RXRA: variants seen among roughly 807,000 people sequenced by gnomAD.
The protein encoded by RXRA is retinoid X receptor alpha.
RXRA carries 5 observed loss-of-function variants against 44.5 expected under a neutral mutation model. The ratio of observed to expected loss-of-function variants is 0.11; its 90% CI spans 0.06 to 0.24. The LOEUF is 0.24. Among genes scored for constraint, RXRA ranks in the 10% least tolerant of loss-of-function variants. The pLI is 1.00. For synonymous variants in RXRA, 291 were observed against 271.4 expected, an observed-to-expected ratio of 1.07 and a Z score of -0.71; for missense variants, 412 against 646.5, an observed-to-expected ratio of 0.64 and a Z score of 3.93.
intron 1 of RXRA, among the ~76,000 whole-genome samples, chr9:134,362,490 C>G (rs903877823): frequency 1.3e-5 from 2 of 152,234 alleles, no homozygotes; most frequent in Non-Finnish European, 1.5e-5. Context: ...CCCGCCAGAC[C>G]GTGAGCTTCA....
In RXRA at chr9:134,434,093, T is replaced by C; in HGVS notation, c.1136-9T>C. On this transcript the variant is annotated splice_polypyrimidine_tract_variant and intron_variant, in intron 8 of 9. Coordinates refer to ENST00000481739, the MANE Select transcript of RXRA (RefSeq NM_002957.6). ...CTGAGGGTTCTGACCTGTGGCTTCT[T>C]CCTTTCAGACTCCAAGGGGCTCTCG... 6.2e-7 allele frequency: 1 copy of C among 1,610,842 alleles called. No homozygotes were observed.
chr9:134,354,508 T>C (rs901139698), intron 1 of RXRA, among the ~76,000 whole-genome samples: 1 of 152,152 alleles, frequency 6.6e-6, no homozygotes, highest in Non-Finnish European at 1.5e-5. Context: ...TCAGGCACTA[T>C]TGAAGATGAG....
chr9:134,409,865 G>A (rs558928765), intron 4 of RXRA, among the ~76,000 whole-genome samples: 2 of 152,286 alleles, frequency 1.3e-5, no homozygotes, highest in East Asian at 3.9e-4. Flanking sequence ...TGCTGTCTGG[G>A]GTGAAGATCT....
intron 6 of RXRA, among the ~76,000 whole-genome samples, chr9:134,428,095 C>G (rs1831463883): frequency 6.6e-6 from 1 of 152,182 alleles, no homozygotes; most frequent in South Asian, 2.1e-4. Flanking sequence ...GTTTCTTCCT[C>G]CCCGATGCCT....
intron 1 of RXRA, among the ~76,000 whole-genome samples, chr9:134,328,777 G>A (rs1341241902): frequency 2.6e-5 from 4 of 152,052 alleles, no homozygotes; most frequent in Admixed American, 2.6e-4. Flanking sequence ...GGGGAGACTC[G>A]GCCACCCCTT....
chr9:134,423,744 G>T, intron 6 of RXRA: 1 of 985,466 alleles, frequency 1.0e-6, no homozygotes, highest in Non-Finnish European at 1.2e-6. Flanking sequence ...AGGGAACCCT[G>T]CCCTTGTTTG....
Position 134,423,743 on chromosome 9 carries a change from T to C in RXRA, c.910+1938T>C, listed in dbSNP as rs1444128827. On this transcript the variant is annotated intron_variant, in intron 6 of 9. Coordinates refer to ENST00000481739, the MANE Select transcript of RXRA (RefSeq NM_002957.6). ...AGTATTCCGCCTGCCAAGGGAACCC[T>C]GCCCTTGTTTGCAGGGGCTCCCCCA... 5 of 985,352 alleles carry C rather than the reference T, an allele frequency of 5.1e-6. No individual in the cohort carries two copies. In the Admixed American group the frequency reaches 3.1e-4, roughly 61 times the overall value. The allele number at this position is 985,352 out of a possible 1,614,324, so 61.0% of individuals were successfully genotyped here.
intron 1 of RXRA, among the ~76,000 whole-genome samples, chr9:134,363,350 A>C (rs974208581): frequency 6.6e-5 from 10 of 151,812 alleles, no homozygotes; most frequent in African/African-American, 2.4e-4. Context: ...GGCCCTGTCC[A>C]CCCACCCCAT....
At chr9:134,421,984 A>G (rs1223679203) in intron 6 of RXRA, 179 bp downstream of exon 6, 4 of 1,280,914 alleles carry the variant, frequency 3.1e-6, no homozygotes, top group Admixed American at 6.1e-5. Flanking sequence ...ACACACTCCT[A>G]CCTCCCGGGA....
chr9:134,406,737 G>A (rs1827140821), intron 2 of RXRA, among the ~76,000 whole-genome samples: 1 of 152,232 alleles, frequency 6.6e-6, no homozygotes, highest in South Asian at 2.1e-4. Flanking sequence ...GGGATCATGT[G>A]TGACCTTGGC....
intron 3 of RXRA, 62 bp downstream of exon 3, chr9:134,408,361 G>A (rs1831091866): frequency 1.3e-6 from 2 of 1,503,344 alleles, no homozygotes; most frequent in Non-Finnish European, 1.8e-6. Flanking sequence ...TGCAGGGTCT[G>A]GAGGCCTCCC....
chr9:134,417,182 G>C lies in RXRA; in HGVS notation c.635G>C (p.Gly212Ala), dbSNP rs1831248053. 6.2e-7 allele frequency: 1 copy of C among 1,612,602 alleles called. No homozygotes were observed. The change falls in exon 5 of 10, where the codon GGC becomes GCC. Residue 212 changes from glycine to alanine, a missense_variant. Around this residue, in one of 4 missense-constraint regions of RXRA, gnomAD observed 48 missense variants for 119.9 expected, o/e 0.40. Coordinates refer to ENST00000481739, the MANE Select transcript of RXRA (RefSeq NM_002957.6). The surrounding 1 kb of genome is among the most constrained non-coding windows in gnomAD (Gnocchi z 6.1). The part of the protein sequence containing the change: ...REAVQEERQR[G>A]KDRNENEVES... The stretch of plus-strand genomic sequence containing the variant: ...GCCGTGCAGGAGGAGCGGCAGCGTG[G>C]CAAGGACCGGAACGAGAATGAGGTG...
At chr9:134,432,071 G>A in intron 8 of RXRA, 75 bp downstream of exon 8, 1 of 1,166,036 alleles carries the variant, frequency 8.6e-7, no homozygotes, top group Non-Finnish European at 1.3e-6. Context: ...CCTCCTGGCT[G>A]TACTTCTTGC....
Position 134,328,456 on chromosome 9 carries a change from C to T in RXRA, c.28+1797C>T, listed in dbSNP as rs531105201. On this transcript the variant is annotated intron_variant, in intron 1 of 9. Transcript: ENST00000481739. Reference sequence around the variant, plus strand: ...CCGAGCCACTGCCCCAGGGATCTCCCTGGGCACTCCCCTGCCACAAGGAAG... The same window carrying T: ...CCGAGCCACTGCCCCAGGGATCTCCTTGGGCACTCCCCTGCCACAAGGAAG... 3.9e-5 allele frequency among the ~76,000 whole-genome samples: 6 copies of T among 152,192 alleles called. No homozygotes were observed. The East Asian group carries it at 9.7e-4, about 25-fold the overall frequency.
chr9:134,407,768 G>A lies in RXRA; in HGVS notation c.280-381G>A, dbSNP rs1328952610. ...AGAGTGCCTGCCTCATGGAGTGTCCGGGGGCACCCAGCGGGGCTGGGCACT... is the reference window on the plus strand; with the variant it reads ...AGAGTGCCTGCCTCATGGAGTGTCCAGGGGCACCCAGCGGGGCTGGGCACT... On this transcript the variant is annotated intron_variant, in intron 2 of 9. Coordinates refer to ENST00000481739, the MANE Select transcript of RXRA (RefSeq NM_002957.6). The surrounding 1 kb of genome is among the most constrained non-coding windows in gnomAD (Gnocchi z 4.8). 6.6e-6 allele frequency among the ~76,000 whole-genome samples: 1 copy of A among 152,130 alleles called. No individual in the cohort carries two copies. The highest frequency in any genetic ancestry group is 1.5e-5 in the Non-Finnish European group (1 of 67,996).
chr9:134,415,260 C>T (rs3118540), intron 4 of RXRA, among the ~76,000 whole-genome samples: 87,726 of 151,988 alleles, frequency 0.58, 27,238 homozygotes, highest in East Asian at 0.76. Flanking sequence ...AGAGCTGTGG[C>T]GGCATGAAGG....
intron 4 of RXRA, among the ~76,000 whole-genome samples, chr9:134,411,483 G>T (rs554135472): frequency 4.9e-4 from 75 of 152,352 alleles, no homozygotes; most frequent in South Asian, 4.3e-3. Context: ...CAGAGAAATG[G>T]GGTATAGAGA....
At chr9:134,434,326 A>G in intron 9 of RXRA, 119 bp downstream of exon 9, 3 of 708,990 alleles carry the variant, frequency 4.2e-6, no homozygotes, top group Non-Finnish European at 7.2e-6. Flanking sequence ...GGCCCAGCCC[A>G]TGCCAGCAGG....
intron 6 of RXRA, chr9:134,422,752 C>T (rs777413924): frequency 6.5e-5 from 64 of 985,452 alleles, no homozygotes; most frequent in Non-Finnish European, 7.5e-5. Context: ...CCTCAGTTTC[C>T]CTCCATCCCT....
Sources: allele counts gnomAD v4.1 joint callset (sites outside exome capture counted in the v4.1 genomes callset), GRCh38; gene constraint gnomAD v4.1.1; regional missense constraint gnomAD v4.1.1; non-coding constraint Gnocchi (gnomAD v3.1); transcripts MANE v1.5; gene names NCBI Gene and HGNC (gene_info 2026-07-23, HGNC 2026-07-21).